TBX21: variants seen among roughly 807,000 people sequenced by gnomAD.
The protein encoded by TBX21 is T-box transcription factor 21.
Under a neutral mutation model 52.2 loss-of-function variants are expected in TBX21, and 11 were observed. The ratio of observed to expected loss-of-function variants is 0.21; its 90% CI spans 0.13 to 0.35. The LOEUF (loss-of-function observed/expected upper bound fraction) is 0.35, where lower values mean the gene tolerates loss of function less well. TBX21 is among the 10% of genes least tolerant of loss of function. The probability of loss-of-function intolerance (pLI) is 1.00; values close to 1 mark genes in which losing one functional copy is unlikely to be tolerated. For missense variants in TBX21, 625 were observed against 755.1 expected (o/e 0.83, Z 2.02); for synonymous variants, 300 against 316.1 (o/e 0.95, Z 0.54).
Position 47,745,408 on chromosome 17 carries a change from T to A in TBX21, c.*42T>A. 6.5e-7 allele frequency: 1 copy of A among 1,536,634 alleles called. No homozygotes were observed. ...AAGGAACAGAAACAGTGTTATTAGG[T>A]TGGAGGACACCGACTAATTTGGGAA... On this transcript the variant is annotated 3_prime_UTR_variant, in exon 6 of 6. Coordinates refer to ENST00000177694, the MANE Select transcript of TBX21 (RefSeq NM_013351.2).
At chr17:47,744,670 G>A in intron 5 of TBX21, 78 bp from the exon 6 acceptor site, 4 of 1,599,210 alleles carry the variant, frequency 2.5e-6, no homozygotes, top group Non-Finnish European at 3.4e-6. Context: ...GGTCGGAGAA[G>A]GAATGTGTGA....
intron 1 of TBX21, among the ~76,000 whole-genome samples, chr17:47,741,183 A>T (rs1439017381): frequency 3.3e-5 from 5 of 151,772 alleles, no homozygotes; most frequent in Non-Finnish European, 5.9e-5. Context: ...GGTGGTTGTG[A>T]TGGTGAAGGT....
rs1045752116 is a variant in TBX21, at chr17:47,742,042, T to C, written c.492-568T>C. On this transcript the variant is annotated intron_variant, in intron 1 of 5. Coordinates refer to ENST00000177694, the MANE Select transcript of TBX21 (RefSeq NM_013351.2). The surrounding 1 kb of genome is among the most constrained non-coding windows in gnomAD (Gnocchi z 4.4). Reference sequence around the variant, plus strand: ...AGACAATAGTAAAACGTAAAATAACTGGGCAGTGATGATTTTTTAGTTTTT... The same window carrying C: ...AGACAATAGTAAAACGTAAAATAACCGGGCAGTGATGATTTTTTAGTTTTT... Among the ~76,000 whole-genome samples, 2 of 151,328 alleles carry C rather than the reference T, an allele frequency of 1.3e-5. No homozygotes were observed. The highest frequency in any genetic ancestry group is 4.9e-5 in the African/African-American group (2 of 41,180).
Position 47,744,948 on chromosome 17 carries a change from C to T in TBX21, c.1190C>T (p.Ala397Val). The T allele has an allele frequency of 6.2e-7, 1 of 1,614,146 alleles. No homozygotes were observed. The highest frequency in any genetic ancestry group is 1.1e-5 in the South Asian group (1 of 91,084). ...GCCCCCCGGGACCACAGCTATGAGG[C>T]TGAGTTTCGAGCAGTCAGCATGAAG... is the stretch of plus-strand genomic sequence containing the variant. ...LGAPRDHSYE[A>V]EFRAVSMKPA... is the part of the protein sequence containing the mutation. The change falls in exon 6 of 6, where the codon GCT becomes GTT. Residue 397 changes from alanine to valine, a missense_variant. Physicochemically the swap from Ala to Val is moderately conservative, Grantham distance 64. Around this residue, in one of 4 missense-constraint regions of TBX21, gnomAD observed 261 missense variants for 275.1 expected, o/e 0.95. Transcript: ENST00000177694.
At chr17:47,741,232 G>A (rs1284220154) in intron 1 of TBX21, among the ~76,000 whole-genome samples, 3 of 151,776 alleles carry the variant, frequency 2.0e-5, no homozygotes, top group Non-Finnish European at 4.4e-5. Flanking sequence ...GGTGCTGGTG[G>A]AGATCGTGGT....
chr17:47,744,951 A>G lies in TBX21; in HGVS notation c.1193A>G (p.Glu398Gly), dbSNP rs1205873780. Residue 398 changes from glutamate (E) to glycine (G), a missense_variant, in exon 6 of 6, where the codon GAG (glutamate) becomes GGG (glycine). Physicochemically the swap from Glu to Gly is moderately conservative, Grantham distance 98. This residue lies in a region of TBX21 where 261 missense variants were observed against 275.1 expected (regional missense o/e 0.95). Coordinates refer to ENST00000177694, the MANE Select transcript of TBX21 (RefSeq NM_013351.2). ...GAPRDHSYEA[E>G]FRAVSMKPAF... ...CCCCGGGACCACAGCTATGAGGCTGAGTTTCGAGCAGTCAGCATGAAGCCT... is the reference window on the plus strand; with the variant it reads ...CCCCGGGACCACAGCTATGAGGCTGGGTTTCGAGCAGTCAGCATGAAGCCT... The G allele has an allele frequency of 6.2e-6, 10 of 1,613,910 alleles. No homozygotes were observed. The highest frequency in any genetic ancestry group is 8.5e-6 in the Non-Finnish European group (10 of 1,180,008).
At chr17:47,739,525 G>A (rs1341895713) in intron 1 of TBX21, among the ~76,000 whole-genome samples, 2 of 152,026 alleles carry the variant, frequency 1.3e-5, no homozygotes, top group East Asian at 1.9e-4. Flanking sequence ...TTGGGAGGTC[G>A]AGGCCAGTGG....
chr17:47,742,625 C>T lies in TBX21; in HGVS notation c.507C>T (p.Phe169=). Residue 169 remains phenylalanine, a synonymous_variant, in exon 2 of 6, where the codon TTC becomes TTT. Coordinates refer to ENST00000177694, the MANE Select transcript of TBX21 (RefSeq NM_013351.2). The surrounding 1 kb of genome is among the most constrained non-coding windows in gnomAD (Gnocchi z 4.4). The stretch of plus-strand genomic sequence containing the variant: ...TTCTCTCCAGGCGGATGTTCCCATT[C>T]CTGTCATTTACTGTGGCCGGGCTGG... ...ITKQGRRMFP[F]LSFTVAGLEP... is the part of the protein sequence containing the mutation. 3 of 1,603,492 alleles carry T rather than the reference C, an allele frequency of 1.9e-6. No individual in the cohort carries two copies. The highest frequency in any genetic ancestry group is 4.5e-5 in the East Asian group (2 of 44,534).
chr17:47,733,617 G>A lies in TBX21; in HGVS notation c.163G>A (p.Gly55Arg). Reference sequence around the variant, plus strand: ...CGAGCGTCGCGGGGGCGGCAGCCTGGGGTCTCCCTACCCGGGGGGCGCCTT... The same window carrying A: ...CGAGCGTCGCGGGGGCGGCAGCCTGAGGTCTCCCTACCCGGGGGGCGCCTT... ...ADERRGGGSL[G>R]SPYPGGALVP... Residue 55 changes from glycine (G) to arginine (R), a missense_variant, in exon 1 of 6, where the codon GGG becomes AGG. Physicochemically the swap from Gly to Arg is moderately radical, Grantham distance 125. This residue lies in a region of TBX21 where 221 missense variants were observed against 204.9 expected (regional missense o/e 1.08). Coordinates refer to ENST00000177694, the MANE Select transcript of TBX21 (RefSeq NM_013351.2). The surrounding 1 kb of genome is among the most constrained non-coding windows in gnomAD (Gnocchi z 6.6). 1.4e-6 allele frequency: 2 copies of A among 1,454,526 alleles called. No homozygotes were observed. Among genetic ancestry groups the A allele is most frequent in the Non-Finnish European group, 1.8e-6 (2 of 1,110,142 alleles). 90.1% of individuals were successfully genotyped at this position (1,454,526 alleles called of 1,614,324 possible).
chr17:47,734,577 GT>G (rs2032183139), intron 1 of TBX21, among the ~76,000 whole-genome samples: 8 of 130,276 alleles, frequency 6.1e-5, no homozygotes, highest in South Asian at 2.9e-4. Flanking sequence ...GTGTGTGTGT[GT>G]GTGTGTGTGT....
intron 1 of TBX21, among the ~76,000 whole-genome samples, chr17:47,734,350 G>T (rs543822522): frequency 3.9e-4 from 59 of 152,106 alleles, no homozygotes; most frequent in Non-Finnish European, 1.9e-4. Flanking sequence ...AACTGGAGGG[G>T]AAGGGAGCCC....
rs144197741 is a variant in TBX21, at chr17:47,745,040, C to T, written c.1282C>T (p.Pro428Ser). 3.1e-6 allele frequency: 5 copies of T among 1,612,666 alleles called. No homozygotes were observed. Among genetic ancestry groups the T allele is most frequent in the African/African-American group, 2.7e-5 (2 of 74,954 alleles). ...SYYRGQEVLA[P>S]GAGWPVAPQY... ...CTACCGAGGCCAGGAGGTCCTGGCA[C>T]CTGGAGCTGGCTGGCCTGTGGCACC... Residue 428 changes from proline (P) to serine (S), a missense_variant, in exon 6 of 6, where the codon CCT becomes TCT. Coordinates refer to ENST00000177694, the MANE Select transcript of TBX21 (RefSeq NM_013351.2).
intron 1 of TBX21, among the ~76,000 whole-genome samples, chr17:47,738,496 C>T: frequency 6.6e-6 from 1 of 152,166 alleles, no homozygotes; most frequent in East Asian, 1.9e-4. Context: ...GTAGGTACGA[C>T]ACATTGCCAG....
chr17:47,739,761 CAA>C (rs1168513669), intron 1 of TBX21, among the ~76,000 whole-genome samples: 42 of 116,076 alleles, frequency 3.6e-4, no homozygotes, highest in Middle Eastern at 4.7e-3. Context: ...GACTCCGTCT[CAA>C]AAAAAAAAAA....
At position 47,733,280 on chromosome 17, in the gene TBX21, G is replaced by A; in HGVS notation, c.-175G>A. On this transcript the variant is annotated 5_prime_UTR_variant, in exon 1 of 6. Coordinates refer to ENST00000177694, the MANE Select transcript of TBX21 (RefSeq NM_013351.2). The surrounding 1 kb of genome is among the most constrained non-coding windows in gnomAD (Gnocchi z 6.6). ...AGAGGAAGCCCGAGAGCTGCCGCGC[G>A]CCTGCCGGACGAGGGCGTAGAAGCC... The A allele has an allele frequency of 3.4e-6, 3 of 872,830 alleles. No homozygotes were observed. The highest frequency in any genetic ancestry group is 2.4e-5 in the South Asian group (1 of 41,552). The allele number at this position is 872,830 out of a possible 1,614,324, so 54.1% of individuals were successfully genotyped here. A position where few individuals can be genotyped will look rare whatever the true frequency, so the allele number is the denominator to read the frequency against.
chr17:47,737,679 G>A (rs1466972717), intron 1 of TBX21, among the ~76,000 whole-genome samples: 3 of 151,240 alleles, frequency 2.0e-5, no homozygotes, highest in Non-Finnish European at 4.4e-5. Flanking sequence ...AGGCTGGAGT[G>A]CAGTGGCTCA....
chr17:47,743,004 GGCAAA>G (rs1206624320), intron 2 of TBX21, 62 bp from the exon 3 acceptor site: 1 of 1,594,140 alleles, frequency 6.3e-7, no homozygotes, highest in East Asian at 2.2e-5. Context: ...TCTCGGGACA[GGCAAA>G]GCCCTACATC....
Position 47,742,211 on chromosome 17 carries a change from A to G in TBX21, c.492-399A>G, listed in dbSNP as rs1391099102. ...CAGCCTCCTGAGTAGCTAGGATTACAGGCGCCCACGACCACACCCAGCTAT... is the reference window on the plus strand; with the variant it reads ...CAGCCTCCTGAGTAGCTAGGATTACGGGCGCCCACGACCACACCCAGCTAT... On this transcript the variant is annotated intron_variant, in intron 1 of 5. Coordinates refer to ENST00000177694, the MANE Select transcript of TBX21 (RefSeq NM_013351.2). This position sits in a 1 kb window ranked among gnomAD's most constrained non-coding sequence, Gnocchi z 4.4. 1.3e-5 allele frequency among the ~76,000 whole-genome samples: 2 copies of G among 151,780 alleles called. No homozygotes were observed. Among genetic ancestry groups the G allele is most frequent in the Non-Finnish European group, 2.9e-5 (2 of 67,970 alleles).
At chr17:47,743,671 G>A (rs1387199350) in intron 3 of TBX21, among the ~76,000 whole-genome samples, 1 of 152,066 alleles carries the variant, frequency 6.6e-6, no homozygotes, top group Non-Finnish European at 1.5e-5. Context: ...CACAAGGTCA[G>A]GAGTTCAAGA....
Sources: allele counts gnomAD v4.1 joint callset (sites outside exome capture counted in the v4.1 genomes callset), GRCh38; gene constraint gnomAD v4.1.1; regional missense constraint gnomAD v4.1.1; non-coding constraint Gnocchi (gnomAD v3.1); transcripts MANE v1.5; gene names NCBI Gene and HGNC (gene_info 2026-07-23, HGNC 2026-07-21).